Variants in GPC6 observed in about 807,000 individuals in gnomAD.
The protein encoded by GPC6 is glypican 6.
A neutral mutation model predicts 55.2 loss-of-function variants in GPC6; 14 were observed. The ratio of observed to expected loss-of-function variants is 0.25; its 90% CI spans 0.17 to 0.40. The LOEUF (loss-of-function observed/expected upper bound fraction) is 0.40, where lower values mean the gene tolerates loss of function less well. Among genes scored for constraint, GPC6 ranks in the 10% least tolerant of loss-of-function variants. The probability of loss-of-function intolerance (pLI) is 1.00; values close to 1 mark genes in which losing one functional copy is unlikely to be tolerated. For synonymous variants in GPC6, 278 were observed against 259.6 expected (o/e 1.07, Z -0.68); for missense variants, 641 against 708.5 (o/e 0.90, Z 1.08).
At chr13:93,635,627 G>C (rs1879659072) in intron 2 of GPC6, among the ~76,000 whole-genome samples, 1 of 152,122 alleles carries the variant, frequency 6.6e-6, no homozygotes, top group South Asian at 2.1e-4. Flanking sequence ...TCAGAGCAAT[G>C]CTGGGAAATA....
intron 2 of GPC6, among the ~76,000 whole-genome samples, chr13:93,645,618 GA>G (rs1378846260): frequency 6.6e-6 from 1 of 152,078 alleles, no homozygotes; most frequent in East Asian, 1.9e-4. Flanking sequence ...CCTTGTTTTT[GA>G]AGTCCTCACG....
At chr13:93,896,278 T>C (rs1876006414) in intron 3 of GPC6, among the ~76,000 whole-genome samples, 1 of 152,040 alleles carries the variant, frequency 6.6e-6, no homozygotes. Flanking sequence ...TCAATAGACA[T>C]GGATAAATAT....
chr13:93,917,455 G>A (rs1024402685), intron 3 of GPC6, among the ~76,000 whole-genome samples: 2 of 152,184 alleles, frequency 1.3e-5, no homozygotes, highest in African/African-American at 2.4e-5. Context: ...TCTTTTGGAT[G>A]CACCATGAAA....
chr13:93,953,039 C>T (rs1183790806), intron 3 of GPC6, among the ~76,000 whole-genome samples: 2 of 151,686 alleles, frequency 1.3e-5, no homozygotes, highest in Non-Finnish European at 2.9e-5. Flanking sequence ...TCTTGCTCCC[C>T]TTCTCATCTT....
chr13:93,246,874 G>GA (rs999154576), intron 1 of GPC6, among the ~76,000 whole-genome samples: 45 of 144,116 alleles, frequency 3.1e-4, no homozygotes, highest in African/African-American at 7.9e-4. Context: ...TTTTTTCCTG[G>GA]AAAAAAAAAA....
At chr13:93,447,933 G>A (rs548456186) in intron 1 of GPC6, among the ~76,000 whole-genome samples, 7 of 152,278 alleles carry the variant, frequency 4.6e-5, no homozygotes, top group African/African-American at 1.4e-4. Context: ...TGTGCATGCC[G>A]CTGTTCATAA....
chr13:94,382,336 C>T (rs540391834), intron 6 of GPC6, 78 bp from the exon 7 acceptor site: 18 of 1,475,508 alleles, frequency 1.2e-5, no homozygotes, highest in Middle Eastern at 1.7e-4. Flanking sequence ...CTATAACCCT[C>T]GCCTGCGTAC....
At chr13:94,169,190 A>G (rs927833993) in intron 4 of GPC6, among the ~76,000 whole-genome samples, 3 of 152,244 alleles carry the variant, frequency 2.0e-5, no homozygotes, top group Admixed American at 6.5e-5. Context: ...AAGAAAAGCA[A>G]CAGCTTTCAA....
At chr13:93,790,306 T>G (rs745735823) in intron 2 of GPC6, among the ~76,000 whole-genome samples, 4 of 152,204 alleles carry the variant, frequency 2.6e-5, no homozygotes, top group African/African-American at 4.8e-5. Flanking sequence ...CATTTCATTA[T>G]TATACAATAG....
intron 4 of GPC6, among the ~76,000 whole-genome samples, chr13:94,036,207 A>G (rs2138732640): frequency 6.6e-6 from 1 of 152,194 alleles, no homozygotes. Flanking sequence ...TCGTGTCCAT[A>G]GATACTTGGT....
At chr13:93,410,576 G>T (rs2139244046) in intron 1 of GPC6, among the ~76,000 whole-genome samples, 1 of 152,214 alleles carries the variant, frequency 6.6e-6, no homozygotes, top group Admixed American at 6.5e-5. Flanking sequence ...AGTGAGTTCT[G>T]GCAGATGGGA....
intron 2 of GPC6, among the ~76,000 whole-genome samples, chr13:93,796,777 G>A (rs929349637): frequency 2.0e-5 from 3 of 152,142 alleles, no homozygotes; most frequent in Admixed American, 6.5e-5. Context: ...AAAACAACAC[G>A]TATTGGATTC....
chr13:94,184,125 C>A (rs1341180868), intron 4 of GPC6, among the ~76,000 whole-genome samples: 2 of 151,992 alleles, frequency 1.3e-5, no homozygotes, highest in East Asian at 3.9e-4. Flanking sequence ...CAGAAATGAA[C>A]CCAAGATGGA....
intron 2 of GPC6, among the ~76,000 whole-genome samples, chr13:93,786,333 TTG>T (rs1299730823): frequency 1.3e-5 from 2 of 152,202 alleles, no homozygotes; most frequent in East Asian, 3.9e-4. Context: ...TCCCTGTAGC[TTG>T]TTTTATTTGT....
intron 2 of GPC6, among the ~76,000 whole-genome samples, chr13:93,672,646 A>AT (rs972390088): frequency 1.4e-5 from 2 of 138,914 alleles, no homozygotes; most frequent in African/African-American, 5.1e-5. Context: ...TCTGATATAT[A>AT]TATATATATG....
intron 2 of GPC6, among the ~76,000 whole-genome samples, chr13:93,766,008 G>A (rs889879323): frequency 6.6e-6 from 1 of 152,188 alleles, no homozygotes; most frequent in Admixed American, 6.5e-5. Context: ...TACAGTAGTA[G>A]TAGATACCTT....
intron 2 of GPC6, among the ~76,000 whole-genome samples, chr13:93,590,373 T>C (rs1279676247): frequency 6.6e-6 from 1 of 152,162 alleles, no homozygotes; most frequent in African/African-American, 2.4e-5. Context: ...ATTTTAAATA[T>C]GGTTCTCTTT....
chr13:94,160,357 C>A (rs1173017885), intron 4 of GPC6, among the ~76,000 whole-genome samples: 1 of 152,126 alleles, frequency 6.6e-6, no homozygotes, highest in Non-Finnish European at 1.5e-5. Context: ...GGAGAGATTA[C>A]TATATGTATC....
intron 2 of GPC6, among the ~76,000 whole-genome samples, chr13:93,726,210 T>C (rs959233323): frequency 6.6e-6 from 1 of 151,624 alleles, no homozygotes; most frequent in Non-Finnish European, 1.5e-5. Context: ...TGGCACTGTT[T>C]GAGCTCTCTG....
Sources: allele counts gnomAD v4.1 joint callset (sites outside exome capture counted in the v4.1 genomes callset), GRCh38; gene constraint gnomAD v4.1.1; transcripts MANE v1.5; gene names NCBI Gene and HGNC (gene_info 2026-07-23, HGNC 2026-07-21).